Variants in TNFRSF13C observed in about 807,000 individuals in gnomAD.
TNFRSF13C encodes the protein tumor necrosis factor receptor superfamily member 13C.
A neutral mutation model predicts 12.1 loss-of-function variants in TNFRSF13C; 7 were observed. That is an observed-to-expected ratio of 0.58 (90% CI 0.33 to 1.08). The LOEUF (loss-of-function observed/expected upper bound fraction) is 1.08, where lower values mean the gene tolerates loss of function less well. Among genes scored for constraint, TNFRSF13C ranks in the 50% least tolerant of loss-of-function variants. The pLI, the probability that TNFRSF13C is intolerant of heterozygous loss-of-function variation, is 0.04. For synonymous variants in TNFRSF13C, 157 were observed against 130.8 expected (o/e 1.20, Z -1.37); for missense variants, 260 against 265.9 (o/e 0.98, Z 0.15).
rs2077631853 is a variant in TNFRSF13C, at chr22:41,926,404, A to AG, written c.137-74dup. 2 of 282,976 alleles carry AG rather than the reference A, an allele frequency of 7.1e-6. No individual in the cohort carries two copies. The highest frequency in any genetic ancestry group is 1.4e-4 in the South Asian group (1 of 7,258). The allele number at this position is 282,976 out of a possible 1,614,324, so 17.5% of individuals were successfully genotyped here. ...GAGGAGCGGGGACGGGGAGGGGCGG[A>AG]GGGGGGCGAGGCTGGCCGGGGAGGG... is the stretch of plus-strand genomic sequence containing the variant. On this transcript the variant is annotated intron_variant, in intron 1 of 2. Coordinates refer to ENST00000291232, the MANE Select transcript of TNFRSF13C (RefSeq NM_052945.4). The surrounding 1 kb of genome is among the most constrained non-coding windows in gnomAD (Gnocchi z 4.9).
rs1371617475 is a variant in TNFRSF13C at position 41,923,830 on chromosome 22, G to A, written c.*1537C>T. 6.6e-6 allele frequency: 1 copy of A among 152,232 alleles called. No individual in the cohort carries two copies. Among genetic ancestry groups the A allele is most frequent in the Non-Finnish European group, 1.5e-5 (1 of 68,040 alleles). 9.4% of individuals were successfully genotyped at this position (152,232 alleles called of 1,614,324 possible). On this transcript the variant is annotated 3_prime_UTR_variant, in exon 3 of 3. Coordinates refer to ENST00000291232, the MANE Select transcript of TNFRSF13C (RefSeq NM_052945.4). ...CGCACCTCCTCCCAAATGCAGGCTT[G>A]TGGCTCTGGAAGCTGCCACTGGGGT...
At position 41,924,543 on chromosome 22, in the gene TNFRSF13C, C is replaced by G. The variant is rs6002543; in HGVS notation, c.*824G>C. On this transcript the variant is annotated 3_prime_UTR_variant, in exon 3 of 3. Transcript: ENST00000291232. ...GCAAGGTGGAGCACCTGTAGTCCCA[C>G]CTACTCAGGAGGCTGAAGCAGAAAG... 0.13 allele frequency: 19,618 copies of G among 150,658 alleles called. 1,841 individuals carry two copies. Among genetic ancestry groups the G allele is most frequent in the African/African-American group, 0.27 (11,099 of 40,666 alleles). 9.3% of individuals were successfully genotyped at this position (150,658 alleles called of 1,614,324 possible).
At position 41,925,447 on chromosome 22, in the gene TNFRSF13C, G is replaced by A. The variant is rs61756766; in HGVS notation, c.475C>T (p.His159Tyr). Residue 159 changes from histidine to tyrosine, a missense_variant, in exon 3 of 3, where the codon CAC (histidine) becomes TAC (tyrosine). His to Tyr is a moderately conservative substitution (Grantham distance 83). Coordinates refer to ENST00000291232, the MANE Select transcript of TNFRSF13C (RefSeq NM_052945.4). ...TCTGTGGCTGGCACAGGGACACTGT[G>A]GCCAGGTGGGGTGGTTCCTGGGTCT... The part of the protein sequence containing the change: ...GEDPGTTPPG[H>Y]SVPVPATELG... 5.8e-3 allele frequency: 9,412 copies of A among 1,612,458 alleles called. 48 individuals are homozygous for A. The highest frequency in any genetic ancestry group is 0.017 in the Middle Eastern group (104 of 6,060).
In TNFRSF13C at chr22:41,926,308, T is replaced by G; in HGVS notation, c.160A>C (p.Arg54=). Reference sequence around the variant, plus strand: ...GACTCCTGCGGCTGCAGCGCCGTCCTGGGCGCAGGGCTGCTGGCCCCGGCT... The same window carrying G: ...GACTCCTGCGGCTGCAGCGCCGTCCGGGGCGCAGGGCTGCTGGCCCCGGCT... The part of the protein sequence containing the change: ...KPAGASSPAP[R]TALQPQESVG... Residue 54 remains arginine (R), a synonymous_variant, in exon 2 of 3, where the codon AGG becomes CGG. Transcript: ENST00000291232. This position sits in a 1 kb window ranked among gnomAD's most constrained non-coding sequence, Gnocchi z 4.9. 5 of 1,382,224 alleles carry G rather than the reference T, an allele frequency of 3.6e-6. No homozygotes were observed. Among genetic ancestry groups the G allele is most frequent in the Non-Finnish European group, 4.7e-6 (5 of 1,068,242 alleles). The allele number at this position is 1,382,224 out of a possible 1,614,324, so 85.6% of individuals were successfully genotyped here. A position where few individuals can be genotyped will look rare whatever the true frequency, so the allele number is the denominator to read the frequency against.
At position 41,926,109 on chromosome 22, in the gene TNFRSF13C, T is replaced by C; in HGVS notation, c.359A>G (p.Asp120Gly). Residue 120 changes from aspartate to glycine, a missense_variant, in exon 2 of 3, where the codon GAC (aspartate) becomes GGC (glycine). Asp to Gly is a moderately conservative substitution (Grantham distance 94). Transcript: ENST00000291232. The surrounding 1 kb of genome is among the most constrained non-coding windows in gnomAD (Gnocchi z 4.9). The part of the protein sequence containing the change: ...GASSAEAPDG[D>G]KDAPEPLDKV... ...CTACACACGGAACTCACCGTCCTTG[T>C]CTCCGTCGGGGGCCTCTGCGGAGGA... 3.7e-6 allele frequency: 6 copies of C among 1,612,530 alleles called. No homozygotes were observed. The highest frequency in any genetic ancestry group is 5.1e-6 in the Non-Finnish European group (6 of 1,179,822).
chr22:41,926,570 G>C lies in TNFRSF13C; in HGVS notation c.136+68C>G. 28 of 1,351,436 alleles carry C rather than the reference G, an allele frequency of 2.1e-5. 1 individual carries two copies. The highest frequency in any genetic ancestry group is 2.6e-5 in the Non-Finnish European group (28 of 1,057,042). The allele number at this position is 1,351,436 out of a possible 1,614,324, so 83.7% of individuals were successfully genotyped here. On this transcript the variant is annotated intron_variant, in intron 1 of 2. Coordinates refer to ENST00000291232, the MANE Select transcript of TNFRSF13C (RefSeq NM_052945.4). This position sits in a 1 kb window ranked among gnomAD's most constrained non-coding sequence, Gnocchi z 4.9. ...CCCCGGGGGTCGGGGCTCTGCCTGCGCCCTGGCGATCGGGGCCCCGTTCTC... is the reference window on the plus strand; with the variant it reads ...CCCCGGGGGTCGGGGCTCTGCCTGCCCCCTGGCGATCGGGGCCCCGTTCTC...
In TNFRSF13C at chr22:41,925,257, G is replaced by T; in HGVS notation, c.*110C>A. The T allele has an allele frequency of 8.4e-7, 1 of 1,186,550 alleles. No homozygotes were observed. The highest frequency in any genetic ancestry group is 1.2e-6 in the Non-Finnish European group (1 of 861,378). 73.5% of individuals were successfully genotyped at this position (1,186,550 alleles called of 1,614,324 possible). A position where few individuals can be genotyped will look rare whatever the true frequency, so the allele number is the denominator to read the frequency against. ...TCTGTGCTTCTGCAGAGTTAGCCTG[G>T]TCCCAGAAAGAGGGCATGTGCATGC... is the stretch of plus-strand genomic sequence containing the variant. On this transcript the variant is annotated 3_prime_UTR_variant, in exon 3 of 3. Transcript: ENST00000291232.
Position 41,926,642 on chromosome 22 carries a change from T to C in TNFRSF13C, c.132A>G (p.Lys44=), listed in dbSNP as rs920471641. 9 of 1,459,264 alleles carry C rather than the reference T, an allele frequency of 6.2e-6. No homozygotes were observed. In the African/African-American group the frequency reaches 1.2e-4, roughly 19 times the overall value. 90.4% of individuals were successfully genotyped at this position (1,459,264 alleles called of 1,614,324 possible). Residue 44 remains lysine, a synonymous_variant, in exon 1 of 3, where the codon AAA becomes AAG. Coordinates refer to ENST00000291232, the MANE Select transcript of TNFRSF13C (RefSeq NM_052945.4). This position sits in a 1 kb window ranked among gnomAD's most constrained non-coding sequence, Gnocchi z 4.9. ...CGCCCCGTGGGTCCCCCTTACCCGG[T>C]TTCGGCCGCGGCGTGCGCAGGAGCC... is the stretch of plus-strand genomic sequence containing the variant. ...ACGLLRTPRP[K]PAGASSPAPR...
rs1362023729 is a variant in TNFRSF13C, at chr22:41,923,540, A to G, written c.*1827T>C. On this transcript the variant is annotated 3_prime_UTR_variant, in exon 3 of 3. Transcript: ENST00000291232. ...CCAGGGGGCTGGCACAGGATGGCCA[A>G]ATAAGCCCAGCACTGGGGGGCCAGT... 6.6e-6 allele frequency: 1 copy of G among 152,444 alleles called. No individual in the cohort carries two copies. The highest frequency in any genetic ancestry group is 1.5e-5 in the Non-Finnish European group (1 of 68,206). The allele number at this position is 152,444 out of a possible 1,614,324, so 9.4% of individuals were successfully genotyped here.
In TNFRSF13C at chr22:41,926,440, C is replaced by A. The variant is rs2077632341; in HGVS notation, c.137-109G>T. Reference sequence around the variant, plus strand: ...GCTGGCCGGGGAGGGGAGGGACAGCCGGGGGGCGGTGGACAAGGGGAGGGA... The same window carrying A: ...GCTGGCCGGGGAGGGGAGGGACAGCAGGGGGGCGGTGGACAAGGGGAGGGA... On this transcript the variant is annotated intron_variant, in intron 1 of 2. Transcript: ENST00000291232. This position sits in a 1 kb window ranked among gnomAD's most constrained non-coding sequence, Gnocchi z 4.9. The A allele has an allele frequency of 3.0e-5, 6 of 198,046 alleles. No individual in the cohort carries two copies. The highest frequency in any genetic ancestry group is 4.9e-5 in the Non-Finnish European group (6 of 123,484). 12.3% of individuals were successfully genotyped at this position (198,046 alleles called of 1,614,324 possible).
In TNFRSF13C at chr22:41,922,583, C is replaced by G. The variant is rs2077611074; in HGVS notation, c.*2784G>C. Reference sequence around the variant, plus strand: ...TGTCTGAGCCCCAGAGGGGTTTCACCCACCCTCGGGGTTTTCACCTGCTGA... The same window carrying G: ...TGTCTGAGCCCCAGAGGGGTTTCACGCACCCTCGGGGTTTTCACCTGCTGA... On this transcript the variant is annotated 3_prime_UTR_variant, in exon 3 of 3. Coordinates refer to ENST00000291232, the MANE Select transcript of TNFRSF13C (RefSeq NM_052945.4). 1 of 152,038 alleles carries G rather than the reference C, an allele frequency of 6.6e-6. No homozygotes were observed. Among genetic ancestry groups the G allele is most frequent in the South Asian group, 2.1e-4 (1 of 4,810 alleles). The allele number at this position is 152,038 out of a possible 1,614,324, so 9.4% of individuals were successfully genotyped here. A position where few individuals can be genotyped will look rare whatever the true frequency, so the allele number is the denominator to read the frequency against.
Position 41,925,394 on chromosome 22 carries a change from G to T in TNFRSF13C, c.528C>A (p.Thr176=). ...TELGSTELVT[T]KTAGPEQQ ...ATTGTTGCTCAGGGCCGGCCGTCTT[G>T]GTGGTCACCAGTTCAGTGGAGCCCA... Residue 176 remains threonine (T), a synonymous_variant, in exon 3 of 3, where the codon ACC becomes ACA. Transcript: ENST00000291232. 1 of 1,608,134 alleles carries T rather than the reference G, an allele frequency of 6.2e-7. No individual in the cohort carries two copies. Among genetic ancestry groups the T allele is most frequent in the Non-Finnish European group, 8.5e-7 (1 of 1,179,580 alleles).
At position 41,926,250 on chromosome 22, in the gene TNFRSF13C, G is replaced by T; in HGVS notation, c.218C>A (p.Pro73His). 1 of 1,518,404 alleles carries T rather than the reference G, an allele frequency of 6.6e-7. No individual in the cohort carries two copies. The highest frequency in any genetic ancestry group is 8.8e-7 in the Non-Finnish European group (1 of 1,139,870). The allele number at this position is 1,518,404 out of a possible 1,614,324, so 94.1% of individuals were successfully genotyped here. ...VGAGAGEAAL[P>H]LPGLLFGAPA... ...GGCGCCAAAGAGCAGCCCGGGCAGGGGCAGCGCCGCCTCGCCGGCCCCCGC... is the reference window on the plus strand; with the variant it reads ...GGCGCCAAAGAGCAGCCCGGGCAGGTGCAGCGCCGCCTCGCCGGCCCCCGC... Residue 73 changes from proline to histidine, a missense_variant, in exon 2 of 3, where the codon CCC becomes CAC. Transcript: ENST00000291232. The surrounding 1 kb of genome is among the most constrained non-coding windows in gnomAD (Gnocchi z 4.9).
rs750334567 is a variant in TNFRSF13C, at chr22:41,924,949, C to CAAAAA, written c.*413_*417dup. 6.8e-4 allele frequency: 31 copies of CAAAAA among 45,346 alleles called. 1 individual carries two copies. The highest frequency in any genetic ancestry group is 2.0e-3 in the African/African-American group (19 of 9,734). 2.8% of individuals were successfully genotyped at this position (45,346 alleles called of 1,614,324 possible). The stretch of plus-strand genomic sequence containing the variant: ...CCTGGCGACAGAGCAAGACTCGTCT[C>CAAAAA]AAAAAAAAAAAAAAAAAAAAAAAAA... On this transcript the variant is annotated 3_prime_UTR_variant, in exon 3 of 3. Coordinates refer to ENST00000291232, the MANE Select transcript of TNFRSF13C (RefSeq NM_052945.4).
At position 41,926,618 on chromosome 22, in the gene TNFRSF13C, GC is replaced by G. The variant is rs1569421979; in HGVS notation, c.136+19del. 1 of 1,422,970 alleles carries G rather than the reference GC, an allele frequency of 7.0e-7. No individual in the cohort carries two copies. The highest frequency in any genetic ancestry group is 1.4e-5 in the South Asian group (1 of 70,930). 88.1% of individuals were successfully genotyped at this position (1,422,970 alleles called of 1,614,324 possible). On this transcript the variant is annotated intron_variant, in intron 1 of 2. Transcript: ENST00000291232. This position sits in a 1 kb window ranked among gnomAD's most constrained non-coding sequence, Gnocchi z 4.9. ...CTCCCCGCAGCTGCCGGCGCCGCGC[GC>G]CCCGTGGGTCCCCCTTACCCGGTTT...
chr22:41,925,289 G>A lies in TNFRSF13C; in HGVS notation c.*78C>T. 1 of 1,438,514 alleles carries A rather than the reference G, an allele frequency of 7.0e-7. No homozygotes were observed. Among genetic ancestry groups the A allele is most frequent in the Non-Finnish European group, 9.3e-7 (1 of 1,075,300 alleles). 89.1% of individuals were successfully genotyped at this position (1,438,514 alleles called of 1,614,324 possible). A position where few individuals can be genotyped will look rare whatever the true frequency, so the allele number is the denominator to read the frequency against. ...AAAGAGGGCATGTGCATGCTGGAGT[G>A]AAGAGCTGAATTTGATTTCCAAGCC... On this transcript the variant is annotated 3_prime_UTR_variant, in exon 3 of 3. Coordinates refer to ENST00000291232, the MANE Select transcript of TNFRSF13C (RefSeq NM_052945.4).
In TNFRSF13C at chr22:41,924,925, C is replaced by G. The variant is rs2077621587; in HGVS notation, c.*442G>C. ...CGAGATCGCGCCACTGTACTCCAGC[C>G]TGGCGACAGAGCAAGACTCGTCTCA... On this transcript the variant is annotated 3_prime_UTR_variant, in exon 3 of 3. Transcript: ENST00000291232. 1.4e-5 allele frequency: 2 copies of G among 140,396 alleles called. No individual in the cohort carries two copies. Among genetic ancestry groups the G allele is most frequent in the Non-Finnish European group, 2.9e-5 (2 of 69,728 alleles). 8.7% of individuals were successfully genotyped at this position (140,396 alleles called of 1,614,324 possible). A position where few individuals can be genotyped will look rare whatever the true frequency, so the allele number is the denominator to read the frequency against.
In TNFRSF13C at chr22:41,926,064, C is replaced by A. The variant is rs1166375591; in HGVS notation, c.367+37G>T. On this transcript the variant is annotated intron_variant, in intron 2 of 2. Transcript: ENST00000291232. This position sits in a 1 kb window ranked among gnomAD's most constrained non-coding sequence, Gnocchi z 4.9. Reference sequence around the variant, plus strand: ...CCGTCCCGACACCCCAGCCCCTGCGCCCCGCTCAGACTGGTTCCCCTACAC... The same window carrying A: ...CCGTCCCGACACCCCAGCCCCTGCGACCCGCTCAGACTGGTTCCCCTACAC... 2 of 1,611,290 alleles carry A rather than the reference C, an allele frequency of 1.2e-6. No individual in the cohort carries two copies. Among genetic ancestry groups the A allele is most frequent in the African/African-American group, 2.7e-5 (2 of 74,894 alleles).
In TNFRSF13C at chr22:41,925,222, G is replaced by A; in HGVS notation, c.*145C>T. ...AACTCCATGGGGGCTGAATGCTGTG[G>A]TCTGTAGTGTCTGTGCTTCTGCAGA... On this transcript the variant is annotated 3_prime_UTR_variant, in exon 3 of 3. Transcript: ENST00000291232. The A allele has an allele frequency of 1.1e-6, 1 of 879,334 alleles. No individual in the cohort carries two copies. Among genetic ancestry groups the A allele is most frequent in the Non-Finnish European group, 1.7e-6 (1 of 588,942 alleles). The allele number at this position is 879,334 out of a possible 1,614,324, so 54.5% of individuals were successfully genotyped here.
Sources: gnomAD v4.1 joint callset for allele counts on GRCh38, gnomAD v4.1.1 for gene constraint, Gnocchi (gnomAD v3.1) non-coding constraint, MANE v1.5 for transcripts, NCBI Gene and HGNC (gene_info 2026-07-23, HGNC 2026-07-21) for gene names.